FAM217B: variants seen among roughly 807,000 people sequenced by gnomAD.
The protein encoded by FAM217B is family with sequence similarity 217 member B, also known as protein FAM217B.
For synonymous variants in FAM217B, 163 were observed against 173.0 expected (o/e 0.94, Z 0.45); for missense variants, 463 against 456.9 (o/e 1.01, Z -0.12).
chr20:59,944,831 A>G lies in FAM217B; in HGVS notation c.888A>G (p.Lys296=). The G allele has an allele frequency of 6.2e-7, 1 of 1,614,204 alleles. No individual in the cohort carries two copies. The highest frequency in any genetic ancestry group is 1.1e-5 in the South Asian group (1 of 91,076). The change falls in exon 4 of 4, where the codon AAA becomes AAG. Residue 296 remains lysine, a synonymous_variant. Transcript: ENST00000360816. Reference sequence around the variant, plus strand: ...TGAGGACAGAAGAAAAGAAAAAGAAATCAAGTAAGAGTACGAAGCTGCAGC... The same window carrying G: ...TGAGGACAGAAGAAAAGAAAAAGAAGTCAAGTAAGAGTACGAAGCTGCAGC... ...LEMRTEEKKK[K]SSKSTKLQRW... is the part of the protein sequence containing the mutation.
chr20:59,944,578 C>T lies in FAM217B; in HGVS notation c.635C>T (p.Pro212Leu). The T allele has an allele frequency of 5.0e-6, 8 of 1,614,034 alleles. No individual in the cohort carries two copies. The highest frequency in any genetic ancestry group is 6.8e-6 in the Non-Finnish European group (8 of 1,180,002). Residue 212 changes from proline (P) to leucine (L), a missense_variant, in exon 4 of 4, where the codon CCT (proline) becomes CTT (leucine). Pro to Leu is a moderately conservative substitution (Grantham distance 98). Coordinates refer to ENST00000360816, the MANE Select transcript of FAM217B (RefSeq NM_022106.3). ...GGCAAAGCAAGGCCCCCCACTGCCC[C>T]TGGGACCTCAGGGGCACTGAAAAGC... The part of the protein sequence containing the change: ...KGGKARPPTA[P>L]GTSGALKSPG...
chr20:59,941,648 T>C (rs1379920859), intron 1 of FAM217B, among the ~76,000 whole-genome samples: 4 of 152,198 alleles, frequency 2.6e-5, no homozygotes, highest in Non-Finnish European at 2.9e-5. Context: ...TGTATGAATA[T>C]ATGGAAAGTC....
intron 1 of FAM217B, among the ~76,000 whole-genome samples, chr20:59,934,182 AGGGCCGCCTGGGCTCCTGGGTGCG>A (rs1414108092): frequency 6.6e-6 from 1 of 152,130 alleles, no homozygotes; most frequent in Non-Finnish European, 1.5e-5. Flanking sequence ...CAGGGGGCGC[AGGGCCGCCTGGGCTCCTGGGTGCG>A]GGTGCCGGAG....
Position 59,948,185 on chromosome 20 carries a change from C to T in FAM217B, c.*3090C>T, listed in dbSNP as rs1362728769. 1.2e-5 allele frequency: 2 copies of T among 166,956 alleles called. No individual in the cohort carries two copies. Among genetic ancestry groups the T allele is most frequent in the African/African-American group, 4.8e-5 (2 of 41,446 alleles). The allele number at this position is 166,956 out of a possible 1,614,324, so 10.3% of individuals were successfully genotyped here. A position where few individuals can be genotyped will look rare whatever the true frequency, so the allele number is the denominator to read the frequency against. On this transcript the variant is annotated 3_prime_UTR_variant, in exon 4 of 4. Transcript: ENST00000360816. ...GTGATTACTTAGGTTTAGACTTTCT[C>T]AACTTCTTAGATGACTAAATGGGCT...
chr20:59,936,773 G>A (rs370528560), upstream of FAM217B: 1 of 152,188 alleles, frequency 6.6e-6, no homozygotes, highest in East Asian at 1.9e-4. Flanking sequence ...CTAAAGCTTG[G>A]TCTTCTGTAA....
chr20:59,944,927 G>A lies in FAM217B; in HGVS notation c.984G>A (p.Gln328=), dbSNP rs1460971847. 1.9e-6 allele frequency: 3 copies of A among 1,614,184 alleles called. No individual in the cohort carries two copies. In the Admixed American group the frequency reaches 5.0e-5, roughly 27 times the overall value. The part of the protein sequence containing the change: ...ETSGHIRVPK[Q]AAVILDSADS... ...GCGGTCACATTCGAGTTCCCAAACA[G>A]GCAGCTGTGATTCTGGACTCAGCAG... Residue 328 remains glutamine (Q), a synonymous_variant, in exon 4 of 4, where the codon CAG becomes CAA. Transcript: ENST00000360816.
chr20:59,934,205 C>T (rs1288275865), intron 1 of FAM217B, among the ~76,000 whole-genome samples: 5 of 152,152 alleles, frequency 3.3e-5, no homozygotes, highest in Non-Finnish European at 7.4e-5. Flanking sequence ...CTCCTGGGTG[C>T]GGGTGCCGGA....
rs368315244 is a variant in FAM217B at position 59,944,033 on chromosome 20, T to G, written c.90T>G (p.Ser30=). Residue 30 remains serine, a synonymous_variant, in exon 4 of 4, where the codon TCT becomes TCG. Coordinates refer to ENST00000360816, the MANE Select transcript of FAM217B (RefSeq NM_022106.3). ...RQSKSQVPHA[S]SQPRSSLTAV... ...GTAAATCCCAAGTACCCCACGCTTC[T>G]TCCCAGCCGAGAAGCAGCCTCACAG... The G allele has an allele frequency of 2.4e-5, 39 of 1,614,176 alleles. No individual in the cohort carries two copies. Among genetic ancestry groups the G allele is most frequent in the Non-Finnish European group, 3.1e-5 (37 of 1,180,036 alleles).
upstream of FAM217B, among the ~76,000 whole-genome samples, chr20:59,935,683 A>T (rs574980243): frequency 6.6e-6 from 1 of 152,330 alleles, no homozygotes; most frequent in East Asian, 1.9e-4. Flanking sequence ...AGGTAGGAGA[A>T]TTCTGCTTGA....
upstream of FAM217B, chr20:59,939,430 A>T (rs767195432): frequency 6.2e-7 from 1 of 1,611,386 alleles, no homozygotes; most frequent in Admixed American, 1.7e-5. Context: ...CGCTCGCCAA[A>T]GTCGGCGGCC....
At chr20:59,940,806 G>A (rs1429686813) in intron 1 of FAM217B, among the ~76,000 whole-genome samples, 3 of 152,190 alleles carry the variant, frequency 2.0e-5, no homozygotes, top group African/African-American at 4.8e-5. Flanking sequence ...GAGGAGCAGC[G>A]TCATGTCCAC....
rs1257095412 is a variant in FAM217B at position 59,947,503 on chromosome 20, T to TC, written c.*2409dup. Reference sequence around the variant, plus strand: ...TGGGCAACAAGAGGGAAACTCCGTTTCAAAAAAAAAAGAAAAAGAAAGAAA... The same window carrying TC: ...TGGGCAACAAGAGGGAAACTCCGTTTCCAAAAAAAAAAGAAAAAGAAAGAAA... On this transcript the variant is annotated 3_prime_UTR_variant, in exon 4 of 4. Transcript: ENST00000360816. 6.1e-6 allele frequency: 1 copy of TC among 164,576 alleles called. No homozygotes were observed. The highest frequency in any genetic ancestry group is 1.5e-5 in the Non-Finnish European group (1 of 68,030). The allele number at this position is 164,576 out of a possible 1,614,324, so 10.2% of individuals were successfully genotyped here.
upstream of FAM217B, chr20:59,938,824 A>C: frequency 4.8e-6 from 2 of 413,182 alleles, no homozygotes; most frequent in Non-Finnish European, 4.1e-6. Flanking sequence ...CCTTCTGGCC[A>C]CCTGAGGCTA....
At position 59,946,233 on chromosome 20, in the gene FAM217B, A is replaced by G. The variant is rs549408420; in HGVS notation, c.*1138A>G. 2 of 167,042 alleles carry G rather than the reference A, an allele frequency of 1.2e-5. No homozygotes were observed. Among genetic ancestry groups the G allele is most frequent in the Admixed American group, 1.3e-4 (2 of 15,278 alleles). 10.3% of individuals were successfully genotyped at this position (167,042 alleles called of 1,614,324 possible). A position where few individuals can be genotyped will look rare whatever the true frequency, so the allele number is the denominator to read the frequency against. ...CAAGCCTTCTTATTTCACTGCAGTT[A>G]AATAACATCTTCTTGTTCCTATAGT... On this transcript the variant is annotated 3_prime_UTR_variant, in exon 4 of 4. Coordinates refer to ENST00000360816, the MANE Select transcript of FAM217B (RefSeq NM_022106.3).
At chr20:59,943,894 A>AT in intron 3 of FAM217B, 46 bp from the exon 4 acceptor site, 2 of 1,469,228 alleles carry the variant, frequency 1.4e-6, no homozygotes, top group South Asian at 2.7e-5. Flanking sequence ...TAGCCAGACC[A>AT]TTTTTTGTCA....
At position 59,944,379 on chromosome 20, in the gene FAM217B, C is replaced by T; in HGVS notation, c.436C>T (p.Leu146Phe). Residue 146 changes from leucine (L) to phenylalanine (F), a missense_variant, in exon 4 of 4, where the codon CTT becomes TTT. Leu to Phe is a conservative substitution (Grantham distance 22). Coordinates refer to ENST00000360816, the MANE Select transcript of FAM217B (RefSeq NM_022106.3). ...ACCTGAATACTATTATCCTAATTTC[C>T]TTCCATCCCCTTTCAGCTCCTGGGA... ...TKPEYYYPNF[L>F]PSPFSSWDLR... The T allele has an allele frequency of 6.2e-7, 1 of 1,614,082 alleles. No individual in the cohort carries two copies. Among genetic ancestry groups the T allele is most frequent in the Non-Finnish European group, 8.5e-7 (1 of 1,180,012 alleles).
Position 59,945,145 on chromosome 20 carries a change from G to C in FAM217B, c.*50G>C, listed in dbSNP as rs1286497803. 1.4e-6 allele frequency: 2 copies of C among 1,432,672 alleles called. No individual in the cohort carries two copies. Among genetic ancestry groups the C allele is most frequent in the Non-Finnish European group, 1.9e-6 (2 of 1,076,872 alleles). The allele number at this position is 1,432,672 out of a possible 1,614,324, so 88.7% of individuals were successfully genotyped here. ...GACCTGCAGGTACCTCAATGTTAGA[G>C]CGCTTCCAAAAGTCAAAATACTGTG... On this transcript the variant is annotated 3_prime_UTR_variant, in exon 4 of 4. Transcript: ENST00000360816.
At chr20:59,937,814 G>A (rs1160075360), upstream of FAM217B, 5 of 152,014 alleles carry the variant, frequency 3.3e-5, no homozygotes, top group South Asian at 2.1e-4. Context: ...CTTGGTTGAC[G>A]GTTTAAAAAC....
At position 59,948,151 on chromosome 20, in the gene FAM217B, G is replaced by C. The variant is rs2060948526; in HGVS notation, c.*3056G>C. On this transcript the variant is annotated 3_prime_UTR_variant, in exon 4 of 4. Transcript: ENST00000360816. ...AACTAAAAGTATATCAGTATTTGCAGTATTTGCTGTGATTACTTAGGTTTA... is the reference window on the plus strand; with the variant it reads ...AACTAAAAGTATATCAGTATTTGCACTATTTGCTGTGATTACTTAGGTTTA... 6.0e-6 allele frequency: 1 copy of C among 166,656 alleles called. No individual in the cohort carries two copies. Among genetic ancestry groups the C allele is most frequent in the Admixed American group, 6.5e-5 (1 of 15,282 alleles). 10.3% of individuals were successfully genotyped at this position (166,656 alleles called of 1,614,324 possible). A position where few individuals can be genotyped will look rare whatever the true frequency, so the allele number is the denominator to read the frequency against.
Sources: allele counts gnomAD v4.1 joint callset (sites outside exome capture counted in the v4.1 genomes callset), GRCh38; gene constraint gnomAD v4.1.1; transcripts MANE v1.5; gene names NCBI Gene and HGNC (gene_info 2026-07-23, HGNC 2026-07-21).